Variants in CACNA1E observed in about 807,000 individuals in gnomAD.
CACNA1E encodes calcium voltage-gated channel subunit alpha1 E, also known as voltage-dependent R-type calcium channel subunit alpha-1E.
In CACNA1E, 40 loss-of-function variants were observed where a neutral mutation model predicts 259.2. That is an observed-to-expected ratio of 0.15 (90% CI 0.12 to 0.20). CACNA1E has a LOEUF of 0.20. CACNA1E is among the 10% of genes least tolerant of loss of function. The pLI is 1.00. For missense variants in CACNA1E, 1,874 were observed against 3,040.1 expected (o/e 0.62, Z 9.02); for synonymous variants, 1,104 against 1,138.5 (o/e 0.97, Z 0.61).
In CACNA1E at chr1:181,580,599, T is replaced by C; in HGVS notation, c.774T>C (p.Ile258=). 6.2e-7 allele frequency: 1 copy of C among 1,613,930 alleles called. No homozygotes were observed. The highest frequency in any genetic ancestry group is 8.5e-7 in the Non-Finnish European group (1 of 1,179,786). Residue 258 remains isoleucine (I), a synonymous_variant, in exon 6 of 48, where the codon ATT becomes ATC. Coordinates refer to ENST00000367573, the MANE Select transcript of CACNA1E (RefSeq NM_001205293.3). Reference sequence around the variant, plus strand: ...ACCCTCCAAATGTGTCTGCAGGTATTCTAGAAGGATTTGACCCCCCTCACC... The same window carrying C: ...ACCCTCCAAATGTGTCTGCAGGTATCCTAGAAGGATTTGACCCCCCTCACC... ...HRACFMNNSG[I]LEGFDPPHPC...
At position 181,798,661 on chromosome 1, in the gene CACNA1E, G is replaced by A; in HGVS notation, c.6769G>A (p.Ala2257Thr). ...GACGCTCACTTTCGAAGCAGCCGTG[G>A]CTACTAGCCTGGGCCGTTCCAACAC... Reference protein sequence around the residue: ...EETLTFEAAVATSLGRSNTIG... With the variant: ...EETLTFEAAVTTSLGRSNTIG... The change falls in exon 48 of 48, where the codon GCT (alanine) becomes ACT (threonine). Residue 2257 changes from alanine (A) to threonine (T), a missense_variant. Coordinates refer to ENST00000367573, the MANE Select transcript of CACNA1E (RefSeq NM_001205293.3). The surrounding 1 kb of genome is among the most constrained non-coding windows in gnomAD (Gnocchi z 4.2). 1 of 1,610,048 alleles carries A rather than the reference G, an allele frequency of 6.2e-7. No individual in the cohort carries two copies. Among genetic ancestry groups the A allele is most frequent in the Non-Finnish European group, 8.5e-7 (1 of 1,177,416 alleles).
chr1:181,368,261 T>G (rs1240665618), intron 1 of CACNA1E, among the ~76,000 whole-genome samples: 4 of 147,596 alleles, frequency 2.7e-5, no homozygotes, highest in Admixed American at 6.8e-5. Flanking sequence ...AATGTGTCAT[T>G]TAGACAGAGA....
chr1:181,668,035 C>CAT (rs1173529290), intron 7 of CACNA1E, among the ~76,000 whole-genome samples: 1 of 152,098 alleles, frequency 6.6e-6, no homozygotes, highest in Non-Finnish European at 1.5e-5. Context: ...ACCAGTTTCA[C>CAT]ATACACTCAT....
chr1:181,340,699 A>G lies in CACNA1E; in HGVS notation c.-15+22576A>G, dbSNP rs190429893. ...ATTACAGGGTTCCACATTGTTAACT[A>G]GTAGAGATCTTATTGTGCTGATAGA... On this transcript the variant is annotated intron_variant, in intron 1 of 11. Transcript: ENST00000524607. Among the ~76,000 whole-genome samples the G allele has an allele frequency of 2.3e-3, 357 of 152,260 alleles. 2 individuals are homozygous for G. The highest frequency in any genetic ancestry group is 8.0e-3 in the African/African-American group (334 of 41,536).
upstream of CACNA1E, among the ~76,000 whole-genome samples, chr1:181,479,417 T>G (rs1345179345): frequency 2.6e-5 from 4 of 152,180 alleles, no homozygotes; most frequent in Non-Finnish European, 5.9e-5. Flanking sequence ...TCAGACTGGT[T>G]TCCAATCAGA....
intron 1 of CACNA1E, among the ~76,000 whole-genome samples, chr1:181,330,791 G>A (rs1007730673): frequency 1.3e-5 from 2 of 152,186 alleles, no homozygotes; most frequent in Middle Eastern, 3.2e-3. Flanking sequence ...TAGCTAAGTG[G>A]CTCCATACAG....
chr1:181,783,681 G>A lies in CACNA1E; in HGVS notation c.5367G>A (p.Arg1789=), dbSNP rs762515611. ...KRCPSKVAYK[R]LVLMNMPVAE... is the part of the protein sequence containing the mutation. ...TTTCTTTTTTCTCTTTCACACAGAG[G>A]TTGGTCCTGATGAACATGCCAGTAG... The change falls in exon 40 of 48, where the codon AGG becomes AGA. Residue 1789 remains arginine (R), a splice_region_variant and synonymous_variant. Coordinates refer to ENST00000367573, the MANE Select transcript of CACNA1E (RefSeq NM_001205293.3). 8 of 1,585,104 alleles carry A rather than the reference G, an allele frequency of 5.0e-6. No homozygotes were observed. Among genetic ancestry groups the A allele is most frequent in the African/African-American group, 1.3e-5 (1 of 74,086 alleles).
rs954116606 is a variant in CACNA1E, at chr1:181,799,741, T to G, written c.*907T>G. 1.3e-5 allele frequency: 2 copies of G among 152,260 alleles called. No homozygotes were observed. Among genetic ancestry groups the G allele is most frequent in the African/African-American group, 4.8e-5 (2 of 41,464 alleles). The allele number at this position is 152,260 out of a possible 1,614,324, so 9.4% of individuals were successfully genotyped here. A position where few individuals can be genotyped will look rare whatever the true frequency, so the allele number is the denominator to read the frequency against. The stretch of plus-strand genomic sequence containing the variant: ...CCATGCTATTCCAGGCATTGGCTCT[T>G]TAGATGCCAGTCATGGGGGAACCCT... On this transcript the variant is annotated 3_prime_UTR_variant, in exon 48 of 48. Coordinates refer to ENST00000367573, the MANE Select transcript of CACNA1E (RefSeq NM_001205293.3).
Position 181,776,409 on chromosome 1 carries a change from A to G in CACNA1E, c.5267+181A>G. ...CAAGCCAGTCACCAAGGACTTCTGT[A>G]TCCTCCTTTCCCCTCTCTTTCCTTC... On this transcript the variant is annotated intron_variant, in intron 38 of 47. Coordinates refer to ENST00000367573, the MANE Select transcript of CACNA1E (RefSeq NM_001205293.3). This position sits in a 1 kb window ranked among gnomAD's most constrained non-coding sequence, Gnocchi z 4.4. 1.7e-6 allele frequency: 1 copy of G among 600,612 alleles called. No homozygotes were observed. The highest frequency in any genetic ancestry group is 2.9e-6 in the Non-Finnish European group (1 of 339,356). 37.2% of individuals were successfully genotyped at this position (600,612 alleles called of 1,614,324 possible). A position where few individuals can be genotyped will look rare whatever the true frequency, so the allele number is the denominator to read the frequency against.
At chr1:181,554,298 GC>G (rs1174593369) in intron 3 of CACNA1E, among the ~76,000 whole-genome samples, 2 of 152,180 alleles carry the variant, frequency 1.3e-5, no homozygotes, top group Non-Finnish European at 2.9e-5. Flanking sequence ...AAAGATGTGA[GC>G]CACTGCGCCC....
intron 2 of CACNA1E, among the ~76,000 whole-genome samples, chr1:181,476,996 T>C (rs1482085356): frequency 6.6e-6 from 1 of 152,200 alleles, no homozygotes; most frequent in Non-Finnish European, 1.5e-5. Flanking sequence ...AGGGTAAGCA[T>C]ATTTTTGGCT....
Position 181,772,129 on chromosome 1 carries a change from G to A in CACNA1E, c.5037G>A (p.Glu1679=), listed in dbSNP as rs1659571430. The A allele has an allele frequency of 1.9e-6, 3 of 1,613,966 alleles. No individual in the cohort carries two copies. The highest frequency in any genetic ancestry group is 1.7e-6 in the Non-Finnish European group (2 of 1,179,872). ...MLSCLGEKGC[E]PDTTAPSGQN... ...CATGCCTTGGGGAGAAGGGCTGTGA[G>A]CCTGACACCACCGCACCATCAGGGC... The change falls in exon 37 of 48, where the codon GAG becomes GAA. Residue 1679 remains glutamate (E), a synonymous_variant. Coordinates refer to ENST00000367573, the MANE Select transcript of CACNA1E (RefSeq NM_001205293.3).
At chr1:181,621,371 GAA>G (rs762626945) in intron 6 of CACNA1E, among the ~76,000 whole-genome samples, 2 of 152,222 alleles carry the variant, frequency 1.3e-5, no homozygotes, top group Non-Finnish European at 2.9e-5. Context: ...CATAAACCAG[GAA>G]AAGAGTGGAG....
chr1:181,760,809 T>C (rs181418908), intron 32 of CACNA1E, among the ~76,000 whole-genome samples: 216 of 152,340 alleles, frequency 1.4e-3, no homozygotes, highest in Non-Finnish European at 9.3e-4. Context: ...TACACTGCAC[T>C]GTACTATTCT....
chr1:181,451,112 A>G (rs1362275366), intron 2 of CACNA1E, among the ~76,000 whole-genome samples: 1 of 152,202 alleles, frequency 6.6e-6, no homozygotes, highest in Non-Finnish European at 1.5e-5. Flanking sequence ...GTGGAGGTAT[A>G]GAAATACTTC....
rs550835728 is a variant in CACNA1E, at chr1:181,494,613, A to G, written c.266+10603A>G. Among the ~76,000 whole-genome samples, 9 of 152,328 alleles carry G rather than the reference A, an allele frequency of 5.9e-5. No homozygotes were observed. In the South Asian group the frequency reaches 1.4e-3, roughly 25 times the overall value. ...AGGCTCTACTTCAAACAAGTGTATT[A>G]TCCACATTTTAAATATGGGGAAGCT... is the stretch of plus-strand genomic sequence containing the variant. On this transcript the variant is annotated intron_variant, in intron 1 of 47. Transcript: ENST00000367573.
At chr1:181,731,728 C>T (rs1330628316) in intron 19 of CACNA1E, among the ~76,000 whole-genome samples, 1 of 152,088 alleles carries the variant, frequency 6.6e-6, no homozygotes, top group Non-Finnish European at 1.5e-5. Flanking sequence ...CTCCTCTAGG[C>T]CCCTGGGCTG....
At chr1:181,603,537 G>C (rs1341879269) in intron 6 of CACNA1E, among the ~76,000 whole-genome samples, 1 of 152,100 alleles carries the variant, frequency 6.6e-6, no homozygotes, top group Non-Finnish European at 1.5e-5. Flanking sequence ...GTATTTCCAA[G>C]AGAGAAAAGC....
chr1:181,720,475 G>C, intron 14 of CACNA1E, 138 bp downstream of exon 14: 1 of 887,850 alleles, frequency 1.1e-6, no homozygotes, highest in South Asian at 1.7e-5. Context: ...CACTGAGTGA[G>C]TTCATATGTG....
Sources: allele counts gnomAD v4.1 joint callset (sites outside exome capture counted in the v4.1 genomes callset), GRCh38; gene constraint gnomAD v4.1.1; non-coding constraint Gnocchi (gnomAD v3.1); transcripts MANE v1.5; gene names NCBI Gene and HGNC (gene_info 2026-07-23, HGNC 2026-07-21).